NDUFAF6: variants seen among roughly 807,000 people sequenced by gnomAD.
NDUFAF6 encodes the protein NADH:ubiquinone oxidoreductase complex assembly factor 6, also known as NADH dehydrogenase (ubiquinone) complex I, assembly factor 6.
Under a neutral mutation model 40.8 loss-of-function variants are expected in NDUFAF6, and 45 were observed. That is an observed-to-expected ratio of 1.10 (90% confidence interval 0.87 to 1.42). The LOEUF is 1.42. NDUFAF6 is among the 40% of genes most tolerant of loss of function. The pLI is 0.00. For synonymous variants in NDUFAF6, 185 were observed against 155.9 expected (o/e 1.19, Z -1.39); for missense variants, 435 against 418.5 (o/e 1.04, Z -0.34).
intron 1 of NDUFAF6, among the ~76,000 whole-genome samples, chr8:94,906,210 C>CCCTG (rs961219382): frequency 1.4e-4 from 21 of 152,238 alleles, no homozygotes; most frequent in African/African-American, 5.1e-4. Context: ...CCACAGTCTG[C>CCCTG]CCTGCCCTCT....
At chr8:94,911,768 A>C (rs529435439) in intron 1 of NDUFAF6, among the ~76,000 whole-genome samples, 1 of 152,320 alleles carries the variant, frequency 6.6e-6, no homozygotes, top group African/African-American at 2.4e-5. Flanking sequence ...ATTTATTCTT[A>C]ATTTAGACAA....
chr8:94,963,605 G>A (rs1039497145), intron 1 of NDUFAF6, among the ~76,000 whole-genome samples: 2 of 152,218 alleles, frequency 1.3e-5, no homozygotes, highest in African/African-American at 4.8e-5. Flanking sequence ...AGACGGGTTG[G>A]AACAAGGGCC....
At chr8:95,076,334 G>A (rs1833016394), downstream of NDUFAF6, among the ~76,000 whole-genome samples, 1 of 152,064 alleles carries the variant, frequency 6.6e-6, no homozygotes, top group African/African-American at 2.4e-5. Flanking sequence ...AGGCACTCAG[G>A]GCTTCAAGAA....
At chr8:94,949,704 C>A (rs1822399554) in intron 2 of NDUFAF6, among the ~76,000 whole-genome samples, 2 of 152,140 alleles carry the variant, frequency 1.3e-5, no homozygotes, top group Non-Finnish European at 2.9e-5. Flanking sequence ...GAGGAAGAAC[C>A]GGCGGGCAAC....
chr8:94,985,496 TATATATATATATA>T (rs1563770717), intron 2 of NDUFAF6, among the ~76,000 whole-genome samples: 3 of 8,604 alleles, frequency 3.5e-4, no homozygotes, highest in Admixed American at 1.2e-3. Flanking sequence ...TATATATATA[TATATATATATATA>T]TATATATTTT....
chr8:95,047,265 CT>C, intron 6 of NDUFAF6, 138 bp downstream of exon 6: 1 of 1,199,014 alleles, frequency 8.3e-7, no homozygotes, highest in Non-Finnish European at 1.2e-6. Context: ...TGGCCTTCCT[CT>C]TTTTATCCCA....
At chr8:94,963,623 G>A (rs887029219) in intron 1 of NDUFAF6, among the ~76,000 whole-genome samples, 1 of 152,242 alleles carries the variant, frequency 6.6e-6, no homozygotes, top group African/African-American at 2.4e-5. Context: ...GCCGTAGCCA[G>A]ACATCTAACT....
At chr8:94,988,806 T>C (rs1563773773) in intron 2 of NDUFAF6, 1 of 152,218 alleles carries the variant, frequency 6.6e-6, no homozygotes, top group Non-Finnish European at 1.5e-5. Flanking sequence ...GATGAATGGA[T>C]AAACAAAATG....
chr8:94,912,955 G>A (rs1230809829), intron 1 of NDUFAF6, among the ~76,000 whole-genome samples: 1 of 152,216 alleles, frequency 6.6e-6, no homozygotes, highest in Non-Finnish European at 1.5e-5. Flanking sequence ...TTCCAGCCTG[G>A]CGACAAAGCG....
chr8:94,907,198 G>T (rs1311628823), intron 1 of NDUFAF6, among the ~76,000 whole-genome samples: 1 of 152,152 alleles, frequency 6.6e-6, no homozygotes, highest in Non-Finnish European at 1.5e-5. Flanking sequence ...GCTCCTATAT[G>T]TCATTTAATC....
At chr8:95,004,999 A>C (rs1402404717) in intron 2 of NDUFAF6, among the ~76,000 whole-genome samples, 1 of 152,208 alleles carries the variant, frequency 6.6e-6, no homozygotes, top group East Asian at 1.9e-4. Flanking sequence ...GTTAATGTGC[A>C]AGTAGTAATT....
At chr8:95,024,781 C>A (rs1827865483), upstream of NDUFAF6, among the ~76,000 whole-genome samples, 1 of 152,178 alleles carries the variant, frequency 6.6e-6, no homozygotes, top group Non-Finnish European at 1.5e-5. Flanking sequence ...GGGAAGAGCC[C>A]AGGAGGGGTC....
chr8:95,052,376 C>A, intron 8 of NDUFAF6, 146 bp downstream of exon 8: 1 of 862,776 alleles, frequency 1.2e-6, no homozygotes. Context: ...TCATTAGTTA[C>A]TGATGCTTTT....
intron 1 of NDUFAF6, among the ~76,000 whole-genome samples, chr8:94,912,052 G>A (rs1818817814): frequency 6.6e-6 from 1 of 152,196 alleles, no homozygotes; most frequent in African/African-American, 2.4e-5. Flanking sequence ...TATCATTTAG[G>A]AGGTATTACC....
At chr8:95,108,636 C>T (rs896516714) in intron 4 of NDUFAF6, among the ~76,000 whole-genome samples, 6 of 152,030 alleles carry the variant, frequency 3.9e-5, no homozygotes, top group African/African-American at 1.4e-4. Flanking sequence ...TGGATAGTGG[C>T]GATGGTTGCA....
intron 8 of NDUFAF6, among the ~76,000 whole-genome samples, chr8:95,056,356 G>A (rs531602781): frequency 5.7e-4 from 87 of 151,958 alleles, no homozygotes; most frequent in African/African-American, 2.0e-3. Flanking sequence ...GACTGCAGGT[G>A]TACACCACCA....
intron 5 of NDUFAF6, among the ~76,000 whole-genome samples, chr8:95,046,188 G>A (rs950205486): frequency 3.9e-5 from 6 of 152,032 alleles, no homozygotes; most frequent in Non-Finnish European, 7.4e-5. Flanking sequence ...AGCCTCCTGA[G>A]TAGCTGGGAC....
intron 3 of NDUFAF6, among the ~76,000 whole-genome samples, chr8:95,039,128 C>T (rs1196126302): frequency 6.6e-6 from 1 of 151,676 alleles, no homozygotes; most frequent in Non-Finnish European, 1.5e-5. Context: ...AGTTACCCGC[C>T]ACCATGCCTG....
At chr8:95,101,450 G>A (rs548508147) in intron 2 of NDUFAF6, among the ~76,000 whole-genome samples, 1 of 152,266 alleles carries the variant, frequency 6.6e-6, no homozygotes, top group East Asian at 1.9e-4. Context: ...TCCAGAGACA[G>A]GGCGCTCACA....
Sources: allele counts gnomAD v4.1 joint callset (sites outside exome capture counted in the v4.1 genomes callset), GRCh38; gene constraint gnomAD v4.1.1; transcripts MANE v1.5; gene names NCBI Gene and HGNC (gene_info 2026-07-23, HGNC 2026-07-21).